The following BLCAP variants were observed in gnomAD, a reference collection of about 807,000 sequenced individuals.
BLCAP encodes apoptosis inducing factor BLCAP.
Under a neutral mutation model 5.7 loss-of-function variants are expected in BLCAP, and 1 was observed. The ratio of observed to expected loss-of-function variants is 0.18; its 90% CI spans 0.06 to 0.83. The LOEUF (loss-of-function observed/expected upper bound fraction) is 0.83, where lower values mean the gene tolerates loss of function less well. Ranked by LOEUF, BLCAP falls within the 40% of genes least tolerant of loss-of-function variation. The pLI, the probability that BLCAP is intolerant of heterozygous loss-of-function variation, is 0.71. For synonymous variants in BLCAP, 48 were observed against 49.4 expected (o/e 0.97, Z 0.11); for missense variants, 66 against 107.6 (o/e 0.61, Z 1.71).
chr20:37,518,855 T>A lies in BLCAP; in HGVS notation c.*56A>T. The A allele has an allele frequency of 6.3e-7, 1 of 1,592,194 alleles. No individual in the cohort carries two copies. Among genetic ancestry groups the A allele is most frequent in the Non-Finnish European group, 8.5e-7 (1 of 1,170,412 alleles). On this transcript the variant is annotated 3_prime_UTR_variant, in exon 2 of 2. Coordinates refer to ENST00000373537, the MANE Select transcript of BLCAP (RefSeq NM_006698.4). ...TGAAACTCCAATGCTTTATGACCTA[T>A]GTCAATGCCTCCCCTCCCGTCTTCT... is the stretch of plus-strand genomic sequence containing the variant.
intron 1 of BLCAP, among the ~76,000 whole-genome samples, 165 bp from the exon 2 acceptor site, chr20:37,519,515 C>T (rs984630295): frequency 6.6e-6 from 1 of 151,872 alleles, no homozygotes; most frequent in Non-Finnish European, 1.5e-5. Flanking sequence ...CCCTTTCCTC[C>T]CTGCCCACCC....
At chr20:37,520,592 CG>C (rs1466418391) in intron 1 of BLCAP, 1 of 152,350 alleles carries the variant, frequency 6.6e-6, no homozygotes, top group Admixed American at 6.5e-5. Context: ...CTACAGATAC[CG>C]GGTGACTACT....
Position 37,521,659 on chromosome 20 carries a change from C to G in BLCAP, c.-176-2309G>C, listed in dbSNP as rs2071580114. The G allele has an allele frequency of 2.0e-6, 1 of 503,650 alleles. No individual in the cohort carries two copies. The highest frequency in any genetic ancestry group is 3.6e-6 in the Non-Finnish European group (1 of 279,534). The allele number at this position is 503,650 out of a possible 1,614,324, so 31.2% of individuals were successfully genotyped here. ...GGGCGCGGCGGGCGACCGCTGCGGA[C>G]GATCACCCAGGCATTTAGCGACCTA... is the stretch of plus-strand genomic sequence containing the variant. On this transcript the variant is annotated intron_variant, in intron 1 of 1. Coordinates refer to ENST00000373537, the MANE Select transcript of BLCAP (RefSeq NM_006698.4). The surrounding 1 kb of genome is among the most constrained non-coding windows in gnomAD (Gnocchi z 4.5).
At chr20:37,523,101 G>A in intron 1 of BLCAP, 1 of 251,218 alleles carries the variant, frequency 4.0e-6, no homozygotes, top group East Asian at 7.6e-5. Context: ...CGAAGCCAGG[G>A]CCATGCCAGC....
At chr20:37,519,426 A>AAAAAAAAAAAAAAAAAAAAAGAAAG (rs1412804567) in intron 1 of BLCAP, 76 bp from the exon 2 acceptor site, 1 of 44,638 alleles carries the variant, frequency 2.2e-5, no homozygotes, top group African/African-American at 1.4e-4. Flanking sequence ...AAAAAAAAGA[A>AAAAAAAAAAAAAAAAAAAAAGAAAG]AAAAAAAAAA....
At chr20:37,522,995 A>G in intron 1 of BLCAP, 1 of 475,824 alleles carries the variant, frequency 2.1e-6, no homozygotes, top group Non-Finnish European at 3.7e-6. Context: ...GGCAGGGTCG[A>G]GAGAGGAGGG....
rs562077608 is a variant in BLCAP at position 37,521,288 on chromosome 20, G to C, written c.-176-1938C>G. On this transcript the variant is annotated intron_variant, in intron 1 of 1. Transcript: ENST00000373537. This position sits in a 1 kb window ranked among gnomAD's most constrained non-coding sequence, Gnocchi z 4.5. ...GCGGACTCCGAGACCAGCGGATCTC[G>C]GCAAACCCTCTTTCTCGACCACCCA... is the stretch of plus-strand genomic sequence containing the variant. 1.9e-6 allele frequency: 3 copies of C among 1,605,484 alleles called. No homozygotes were observed. Among genetic ancestry groups the C allele is most frequent in the Non-Finnish European group, 2.6e-6 (3 of 1,172,346 alleles).
intron 1 of BLCAP, chr20:37,526,699 C>CT (rs2071728366): frequency 6.6e-6 from 1 of 152,234 alleles, no homozygotes; most frequent in Non-Finnish European, 1.5e-5. Flanking sequence ...GGCAGCAACT[C>CT]TAACAAGACT....
intron 1 of BLCAP, chr20:37,522,909 C>A (rs929039143): frequency 4.8e-6 from 3 of 628,502 alleles, no homozygotes; most frequent in African/African-American, 3.7e-5. Flanking sequence ...GGCCAGTAGA[C>A]CCCCGGAGAA....
chr20:37,519,481 G>A (rs965718871), intron 1 of BLCAP, 131 bp from the exon 2 acceptor site: 4 of 255,554 alleles, frequency 1.6e-5, no homozygotes, highest in Admixed American at 1.0e-4. Context: ...ATGGATCATG[G>A]TTAACAACAG....
chr20:37,522,598 G>GGGGGGGGGGGGGGCC, intron 1 of BLCAP: 1 of 864,460 alleles, frequency 1.2e-6, no homozygotes, highest in South Asian at 1.5e-5. Context: ...GCGGGGGTGG[G>GGGGGGGGGGGGGGCC]CACGGCAGCA....
Position 37,522,714 on chromosome 20 carries a change from C to T in BLCAP, c.-176-3364G>A, listed in dbSNP as rs756916248. The T allele has an allele frequency of 2.2e-5, 35 of 1,611,816 alleles. 1 individual carries two copies. The highest frequency in any genetic ancestry group is 2.1e-4 in the African/African-American group (16 of 74,852). On this transcript the variant is annotated intron_variant, in intron 1 of 1. Coordinates refer to ENST00000373537, the MANE Select transcript of BLCAP (RefSeq NM_006698.4). ...AGCTGGCATACACGGTGTCGCGGAC[C>T]GGGCGGCAGGTGTTGGGGGAGCGCA... is the stretch of plus-strand genomic sequence containing the variant.
intron 1 of BLCAP, 77 bp from the exon 2 acceptor site, chr20:37,519,427 A>AAAAAAAAAAAAAAAAAAAG (rs1568682512): frequency 7.7e-6 from 1 of 130,410 alleles, no homozygotes; most frequent in Non-Finnish European, 1.2e-5. Flanking sequence ...AAAAAAAGAA[A>AAAAAAAAAAAAAAAAAAAG]AAAAAAAAAA....
In BLCAP at chr20:37,521,523, C is replaced by A. The variant is rs1434211773; in HGVS notation, c.-176-2173G>T. 10 of 1,042,886 alleles carry A rather than the reference C, an allele frequency of 9.6e-6. No individual in the cohort carries two copies. Among genetic ancestry groups the A allele is most frequent in the Non-Finnish European group, 1.5e-5 (10 of 684,194 alleles). 64.6% of individuals were successfully genotyped at this position (1,042,886 alleles called of 1,614,324 possible). Reference sequence around the variant, plus strand: ...CCTATTCCGATTGCCGCGATCCTTGCCTGCCCAAGTGCCGCTGCCGGCACC... The same window carrying A: ...CCTATTCCGATTGCCGCGATCCTTGACTGCCCAAGTGCCGCTGCCGGCACC... On this transcript the variant is annotated intron_variant, in intron 1 of 1. Coordinates refer to ENST00000373537, the MANE Select transcript of BLCAP (RefSeq NM_006698.4). This position sits in a 1 kb window ranked among gnomAD's most constrained non-coding sequence, Gnocchi z 4.5.
chr20:37,522,660 G>A (rs1320498608), intron 1 of BLCAP: 9 of 1,608,396 alleles, frequency 5.6e-6, no homozygotes, highest in South Asian at 2.2e-5. Context: ...TGGGTTTCTC[G>A]TCGCAGGTGT....
Position 37,521,068 on chromosome 20 carries a change from G to T in BLCAP, c.-176-1718C>A, listed in dbSNP as rs2071549891. 1 of 532,020 alleles carries T rather than the reference G, an allele frequency of 1.9e-6. No homozygotes were observed. Among genetic ancestry groups the T allele is most frequent in the Non-Finnish European group, 3.4e-6 (1 of 294,410 alleles). The allele number at this position is 532,020 out of a possible 1,614,324, so 33.0% of individuals were successfully genotyped here. A position where few individuals can be genotyped will look rare whatever the true frequency, so the allele number is the denominator to read the frequency against. The stretch of plus-strand genomic sequence containing the variant: ...GCAAGCACGGCGGAATCTTCTGGAA[G>T]GGGGCTAAGATGGAACTCAGGAGGC... On this transcript the variant is annotated intron_variant, in intron 1 of 1. Transcript: ENST00000373537. The surrounding 1 kb of genome is among the most constrained non-coding windows in gnomAD (Gnocchi z 4.5).
intron 1 of BLCAP, among the ~76,000 whole-genome samples, chr20:37,520,018 A>G (rs1039577346): frequency 6.6e-6 from 1 of 152,240 alleles, no homozygotes; most frequent in African/African-American, 2.4e-5. Flanking sequence ...GTCAATGTAG[A>G]AAAAAAGTCA....
Position 37,518,782 on chromosome 20 carries a change from G to A in BLCAP, c.*129C>T. 1 of 1,316,746 alleles carries A rather than the reference G, an allele frequency of 7.6e-7. No homozygotes were observed. Among genetic ancestry groups the A allele is most frequent in the Non-Finnish European group, 1.0e-6 (1 of 962,372 alleles). 81.6% of individuals were successfully genotyped at this position (1,316,746 alleles called of 1,614,324 possible). A position where few individuals can be genotyped will look rare whatever the true frequency, so the allele number is the denominator to read the frequency against. On this transcript the variant is annotated 3_prime_UTR_variant, in exon 2 of 2. Coordinates refer to ENST00000373537, the MANE Select transcript of BLCAP (RefSeq NM_006698.4). ...ACATTGTAAGGATAAAACATCACAG[G>A]CCAAAAAGGCGCCGTCAGGAATGTG... is the stretch of plus-strand genomic sequence containing the variant.
chr20:37,522,216 G>T, intron 1 of BLCAP: 1 of 410,714 alleles, frequency 2.4e-6, no homozygotes, highest in Non-Finnish European at 4.2e-6. Flanking sequence ...ATAAAAAAGA[G>T]GCAAAAGCGC....
Sources: gnomAD v4.1 joint callset for allele counts (sites outside exome capture counted in the v4.1 genomes callset) on GRCh38, gnomAD v4.1.1 for gene constraint, Gnocchi (gnomAD v3.1) non-coding constraint, MANE v1.5 for transcripts, NCBI Gene and HGNC (gene_info 2026-07-23, HGNC 2026-07-21) for gene names.